Variants in HTRA3 observed in about 807,000 individuals in gnomAD.
HTRA3 encodes HtrA serine peptidase 3.
In HTRA3, 41 loss-of-function variants were observed where a neutral mutation model predicts 43.2. That is an observed-to-expected ratio of 0.95 (90% confidence interval 0.74 to 1.23). HTRA3 has a LOEUF of 1.23. Ranked by LOEUF, HTRA3 falls within the 50% of genes most tolerant of loss-of-function variation. HTRA3 has a pLI of 0.00. For synonymous variants in HTRA3, 295 were observed against 287.9 expected (o/e 1.02, Z -0.25); for missense variants, 628 against 647.1 (o/e 0.97, Z 0.32).
chr4:8,305,618 C>A (rs1358915212), intron 8 of HTRA3, among the ~76,000 whole-genome samples: 1 of 152,220 alleles, frequency 6.6e-6, no homozygotes, highest in African/African-American at 2.4e-5. Context: ...AACAGCAGAA[C>A]CTACTCCTGG....
intron 1 of HTRA3, among the ~76,000 whole-genome samples, chr4:8,275,690 AG>A (rs1265072136): frequency 6.6e-6 from 1 of 152,158 alleles, no homozygotes. Flanking sequence ...GCTTTGAGGG[AG>A]GGAGGCCACC....
intron 8 of HTRA3, among the ~76,000 whole-genome samples, chr4:8,304,501 G>C (rs549752633): frequency 1.3e-5 from 2 of 152,096 alleles, no homozygotes; most frequent in Non-Finnish European, 2.9e-5. Context: ...CATTTCCTTC[G>C]AGAAGCAGAG....
At chr4:8,304,513 C>G (rs1440522944) in intron 8 of HTRA3, among the ~76,000 whole-genome samples, 1 of 152,300 alleles carries the variant, frequency 6.6e-6, no homozygotes, top group East Asian at 1.9e-4. Context: ...GAAGCAGAGG[C>G]TGAAGAGTCC....
intron 6 of HTRA3, among the ~76,000 whole-genome samples, chr4:8,301,248 C>A (rs1292028482): frequency 1.3e-5 from 1 of 75,666 alleles, no homozygotes; most frequent in Non-Finnish European, 2.7e-5. Flanking sequence ...TTGATTCACA[C>A]TCAGCTTTAT....
At chr4:8,277,396 A>G (rs1486508014) in intron 1 of HTRA3, among the ~76,000 whole-genome samples, 1 of 152,114 alleles carries the variant, frequency 6.6e-6, no homozygotes, top group Non-Finnish European at 1.5e-5. Context: ...CTTCCTGCCC[A>G]CTGCAGCGGG....
chr4:8,301,320 TTTA>T (rs976037364), intron 6 of HTRA3, among the ~76,000 whole-genome samples: 3 of 151,762 alleles, frequency 2.0e-5, no homozygotes, highest in Non-Finnish European at 2.9e-5. Context: ...CACACTCATC[TTTA>T]TTATTGAGTC....
At chr4:8,302,053 G>A (rs1364306245) in intron 6 of HTRA3, among the ~76,000 whole-genome samples, 4 of 152,144 alleles carry the variant, frequency 2.6e-5, no homozygotes, top group Non-Finnish European at 5.9e-5. Context: ...AGCGAGTATC[G>A]TTTTGAGGAA....
intron 7 of HTRA3, 144 bp downstream of exon 7, chr4:8,302,655 A>G (rs187585776): frequency 1.3e-6 from 1 of 743,216 alleles, no homozygotes; most frequent in African/African-American, 1.7e-5. Flanking sequence ...ACCGTTGCTC[A>G]GGCCAGTCCT....
intron 1 of HTRA3, among the ~76,000 whole-genome samples, chr4:8,270,936 G>A (rs1159509228): frequency 6.6e-6 from 1 of 152,190 alleles, no homozygotes; most frequent in Non-Finnish European, 1.5e-5. Context: ...GCATCTCACC[G>A]TGCAGGTTGA....
chr4:8,293,725 C>T (rs1204147260), intron 5 of HTRA3, among the ~76,000 whole-genome samples: 1 of 152,120 alleles, frequency 6.6e-6, no homozygotes, highest in African/African-American at 2.4e-5. Flanking sequence ...GTCTCTGTCC[C>T]CGACAGGCCT....
At chr4:8,272,110 C>T (rs1712305009) in intron 1 of HTRA3, among the ~76,000 whole-genome samples, 2 of 152,174 alleles carry the variant, frequency 1.3e-5, no homozygotes, top group African/African-American at 2.4e-5. Flanking sequence ...CCCCGCTCCC[C>T]ACCGTGGAAG....
At chr4:8,273,524 C>G (rs1189564360) in intron 1 of HTRA3, among the ~76,000 whole-genome samples, 1 of 138,708 alleles carries the variant, frequency 7.2e-6, no homozygotes, top group Non-Finnish European at 1.5e-5. Context: ...CGCCACCCTC[C>G]CCCCCGCACC....
At chr4:8,287,963 C>T (rs1165744958) in intron 3 of HTRA3, among the ~76,000 whole-genome samples, 2 of 152,196 alleles carry the variant, frequency 1.3e-5, no homozygotes, top group Non-Finnish European at 2.9e-5. Flanking sequence ...TCACTGAGTC[C>T]CATGTCTCAC....
chr4:8,295,638 C>G lies in HTRA3; in HGVS notation c.1051+1437C>G. 1 of 1,299,982 alleles carries G rather than the reference C, an allele frequency of 7.7e-7. No individual in the cohort carries two copies. The highest frequency in any genetic ancestry group is 9.9e-7 in the Non-Finnish European group (1 of 1,007,642). The allele number at this position is 1,299,982 out of a possible 1,614,324, so 80.5% of individuals were successfully genotyped here. A position where few individuals can be genotyped will look rare whatever the true frequency, so the allele number is the denominator to read the frequency against. ...TCTCCTGTGCCCACCTCCTGGCCAACGCCCAGGCCTGACTCAGCAACTCAC... is the reference window on the plus strand; with the variant it reads ...TCTCCTGTGCCCACCTCCTGGCCAAGGCCCAGGCCTGACTCAGCAACTCAC... On this transcript the variant is annotated intron_variant, in intron 6 of 8. Transcript: ENST00000307358. This position sits in a 1 kb window ranked among gnomAD's most constrained non-coding sequence, Gnocchi z 6.9.
chr4:8,303,515 G>A (rs1424094984), intron 7 of HTRA3, among the ~76,000 whole-genome samples: 1 of 152,188 alleles, frequency 6.6e-6, no homozygotes, highest in African/African-American at 2.4e-5. Flanking sequence ...ACTGCATCGG[G>A]AGCCTAGGAA....
intron 8 of HTRA3, 99 bp downstream of exon 8, chr4:8,304,378 A>G (rs1047779374): frequency 1.1e-6 from 1 of 894,942 alleles, no homozygotes; most frequent in African/African-American, 1.6e-5. Context: ...GCTTCCCAGC[A>G]AAGTGACCGG....
At chr4:8,305,198 C>T (rs556681330) in intron 8 of HTRA3, among the ~76,000 whole-genome samples, 1 of 152,336 alleles carries the variant, frequency 6.6e-6, no homozygotes, top group Admixed American at 6.5e-5. Context: ...GTTCAAGGGC[C>T]GACTGTACTG....
In HTRA3 at chr4:8,295,534, A is replaced by G. The variant is rs376835347; in HGVS notation, c.1051+1333A>G. Among the ~76,000 whole-genome samples the G allele has an allele frequency of 3.3e-5, 5 of 152,166 alleles. No individual in the cohort carries two copies. Among genetic ancestry groups the G allele is most frequent in the African/African-American group, 7.2e-5 (3 of 41,442 alleles). On this transcript the variant is annotated intron_variant, in intron 6 of 8. Transcript: ENST00000307358. The surrounding 1 kb of genome is among the most constrained non-coding windows in gnomAD (Gnocchi z 6.9). The stretch of plus-strand genomic sequence containing the variant: ...CTTCCAGAGCAGGGCCATGCTTCCA[A>G]TCGCAGGGCCTTTCCTGGGGGCCTC...
At position 8,286,323 on chromosome 4, in the gene HTRA3, G is replaced by A. The variant is rs1338553116; in HGVS notation, c.486-238G>A. Among the ~76,000 whole-genome samples, 4 of 152,168 alleles carry A rather than the reference G, an allele frequency of 2.6e-5. No individual in the cohort carries two copies. Among genetic ancestry groups the A allele is most frequent in the Admixed American group, 2.6e-4 (4 of 15,276 alleles). ...GTCGCAGGCAGCCTGTCTCATCTCAGCAAATTGCAGCGAGAGGTGATCATC... is the reference window on the plus strand; with the variant it reads ...GTCGCAGGCAGCCTGTCTCATCTCAACAAATTGCAGCGAGAGGTGATCATC... On this transcript the variant is annotated intron_variant, in intron 2 of 8. Transcript: ENST00000307358. This position sits in a 1 kb window ranked among gnomAD's most constrained non-coding sequence, Gnocchi z 4.9.
Sources: allele counts gnomAD v4.1 joint callset (sites outside exome capture counted in the v4.1 genomes callset), GRCh38; gene constraint gnomAD v4.1.1; non-coding constraint Gnocchi (gnomAD v3.1); transcripts MANE v1.5; gene names NCBI Gene and HGNC (gene_info 2026-07-23, HGNC 2026-07-21).